The following MARCHF3 variants were observed in gnomAD, a reference collection of about 807,000 sequenced individuals.
The protein encoded by MARCHF3 is membrane associated ring-CH-type finger 3.
A neutral mutation model predicts 24.2 loss-of-function variants in MARCHF3; 13 were observed. The ratio of observed to expected loss-of-function variants is 0.54; its 90% CI spans 0.35 to 0.85. The LOEUF is 0.85. MARCHF3 is among the 40% of genes least tolerant of loss of function. The probability of loss-of-function intolerance (pLI) is 0.01; values close to 1 mark genes in which losing one functional copy is unlikely to be tolerated. For synonymous variants in MARCHF3, 144 were observed against 137.3 expected (o/e 1.05, Z -0.34); for missense variants, 276 against 325.0 (o/e 0.85, Z 1.16).
intron 3 of MARCHF3, among the ~76,000 whole-genome samples, chr5:126,894,271 G>C (rs1337104815): frequency 1.4e-5 from 2 of 144,624 alleles, no homozygotes; most frequent in Non-Finnish European, 3.0e-5. Context: ...CTTTTAATTG[G>C]AGCATTTAGT....
intron 4 of MARCHF3, among the ~76,000 whole-genome samples, chr5:126,871,717 T>C (rs1399471033): frequency 6.6e-6 from 1 of 152,152 alleles, no homozygotes; most frequent in Admixed American, 6.5e-5. Flanking sequence ...TCTCTCTTTT[T>C]TTTTTTTTTG....
intron 3 of MARCHF3, among the ~76,000 whole-genome samples, chr5:126,895,790 G>A (rs111706357): frequency 9.8e-5 from 15 of 152,296 alleles, no homozygotes; most frequent in African/African-American, 3.6e-4. Context: ...GCCCCCAGAG[G>A]TGGAGCCTAC....
intron 1 of MARCHF3, among the ~76,000 whole-genome samples, chr5:127,002,823 T>A (rs149936310): frequency 7.0e-4 from 106 of 152,252 alleles, no homozygotes; most frequent in African/African-American, 2.1e-3. Flanking sequence ...TCAGGGCGGG[T>A]GAGCCCCCTT....
intron 1 of MARCHF3, among the ~76,000 whole-genome samples, chr5:126,960,401 A>G (rs934600966): frequency 6.6e-6 from 1 of 152,168 alleles, no homozygotes; most frequent in Non-Finnish European, 1.5e-5. Flanking sequence ...TCAAGTGAAG[A>G]AAACTCAAAA....
intron 3 of MARCHF3, among the ~76,000 whole-genome samples, chr5:126,895,142 C>T (rs1233693983): frequency 6.6e-6 from 1 of 152,024 alleles, no homozygotes; most frequent in African/African-American, 2.4e-5. Context: ...AGTTCTCGAG[C>T]CTTGGTTTTC....
At chr5:126,929,650 T>C (rs138245288) in intron 1 of MARCHF3, among the ~76,000 whole-genome samples, 116 of 152,324 alleles carry the variant, frequency 7.6e-4, no homozygotes, top group Non-Finnish European at 1.4e-3. Context: ...GGTACCTTAG[T>C]TATGTTCTAT....
At chr5:126,978,030 G>A (rs1751262555) in intron 1 of MARCHF3, among the ~76,000 whole-genome samples, 1 of 152,266 alleles carries the variant, frequency 6.6e-6, no homozygotes, top group Admixed American at 6.5e-5. Flanking sequence ...CAGAGCAAGA[G>A]TGTGGGGAAG....
chr5:126,906,248 G>A (rs1305593188), intron 3 of MARCHF3, among the ~76,000 whole-genome samples: 2 of 151,790 alleles, frequency 1.3e-5, no homozygotes, highest in East Asian at 1.9e-4. Flanking sequence ...TTGCATCAAT[G>A]TTCATCAAGG....
Position 126,870,264 on chromosome 5 carries a change from A to AATATAT in MARCHF3, c.*363_*368dup, listed in dbSNP as rs113861488. 1.9e-3 allele frequency: 290 copies of AATATAT among 153,480 alleles called. No homozygotes were observed. Among genetic ancestry groups the AATATAT allele is most frequent in the African/African-American group, 6.7e-3 (279 of 41,434 alleles). 9.5% of individuals were successfully genotyped at this position (153,480 alleles called of 1,614,324 possible). ...TTGATTTTGATTATCATCTAAGTTT[A>AATATAT]ATATATATATATATGTGTGTGTGTT... On this transcript the variant is annotated 3_prime_UTR_variant, in exon 5 of 5. Transcript: ENST00000308660.
chr5:126,952,853 T>A (rs1750301050), intron 1 of MARCHF3, among the ~76,000 whole-genome samples: 1 of 152,172 alleles, frequency 6.6e-6, no homozygotes, highest in Admixed American at 6.5e-5. Context: ...ATAACGCGAA[T>A]TGCCTATAAT....
chr5:126,955,851 C>T (rs1252635340), intron 1 of MARCHF3, among the ~76,000 whole-genome samples: 1 of 152,032 alleles, frequency 6.6e-6, no homozygotes, highest in Non-Finnish European at 1.5e-5. Flanking sequence ...TTTTTGTGTA[C>T]CGACTGAGAA....
chr5:126,937,330 C>CT (rs906035041), intron 1 of MARCHF3, among the ~76,000 whole-genome samples: 56 of 151,592 alleles, frequency 3.7e-4, no homozygotes, highest in Admixed American at 5.9e-4. Flanking sequence ...ATCTGGTTAC[C>CT]TTTTTTTTTC....
In MARCHF3 at chr5:126,928,771, A is replaced by C. The variant is rs75837981; in HGVS notation, c.-56-10544T>G. ...ATTACAGGAGAATGTATATATGCCA[A>C]TCTAAAAATTAATCAAGATTTTATC... On this transcript the variant is annotated intron_variant, in intron 1 of 4. Transcript: ENST00000308660. Among the ~76,000 whole-genome samples, 36 of 152,312 alleles carry C rather than the reference A, an allele frequency of 2.4e-4. No individual in the cohort carries two copies. The East Asian group carries it at 6.7e-3, about 29-fold the overall frequency.
intron 1 of MARCHF3, among the ~76,000 whole-genome samples, chr5:126,937,184 C>T (rs140572904): frequency 8.1e-4 from 123 of 152,372 alleles, no homozygotes; most frequent in Admixed American, 3.0e-3. Context: ...GTCACCACCA[C>T]CAAGTTCATG....
At chr5:126,962,242 C>G (rs78947223) in intron 1 of MARCHF3, among the ~76,000 whole-genome samples, 1 of 151,240 alleles carries the variant, frequency 6.6e-6, no homozygotes, top group South Asian at 2.1e-4. Context: ...ATCTCTCTCT[C>G]TATATATATA....
chr5:126,969,286 G>A (rs1004220093), intron 1 of MARCHF3, among the ~76,000 whole-genome samples: 2 of 152,140 alleles, frequency 1.3e-5, no homozygotes, highest in African/African-American at 4.8e-5. Context: ...TATATATGTT[G>A]GATGATTGGA....
At chr5:126,948,059 T>C (rs1728435119) in intron 1 of MARCHF3, among the ~76,000 whole-genome samples, 1 of 152,162 alleles carries the variant, frequency 6.6e-6, no homozygotes, top group Non-Finnish European at 1.5e-5. Context: ...ATACACTTCC[T>C]ACATTAATCA....
chr5:126,914,852 G>A (rs1297168383), intron 3 of MARCHF3, 78 bp downstream of exon 3: 1 of 1,425,024 alleles, frequency 7.0e-7, no homozygotes, highest in East Asian at 2.3e-5. Flanking sequence ...AGCTGTACAG[G>A]GCTTGTGATC....
intron 3 of MARCHF3, among the ~76,000 whole-genome samples, chr5:126,887,508 A>C (rs1361650537): frequency 6.6e-6 from 1 of 152,230 alleles, no homozygotes; most frequent in Non-Finnish European, 1.5e-5. Flanking sequence ...GTGTCTTTTA[A>C]ATATTTTGAT....
Sources: gnomAD v4.1 joint callset for allele counts (sites outside exome capture counted in the v4.1 genomes callset) on GRCh38, gnomAD v4.1.1 for gene constraint, MANE v1.5 for transcripts, NCBI Gene and HGNC (gene_info 2026-07-23, HGNC 2026-07-21) for gene names.